Variants in COL26A1 observed in about 807,000 individuals in gnomAD.
The protein encoded by COL26A1 is collagen type XXVI alpha 1 chain, also known as collagen alpha-1(XXVI) chain.
COL26A1 carries 41 observed loss-of-function variants against 59.3 expected under a neutral mutation model. The ratio of observed to expected loss-of-function variants is 0.69; its 90% CI spans 0.54 to 0.90. The LOEUF is 0.90. Among genes scored for constraint, COL26A1 ranks in the 40% least tolerant of loss-of-function variants. COL26A1 has a pLI of 0.00. For missense variants in COL26A1, 612 were observed against 602.3 expected, an observed-to-expected ratio of 1.02 and a Z score of -0.17; for synonymous variants, 266 against 256.0, an observed-to-expected ratio of 1.04 and a Z score of -0.37.
intron 3 of COL26A1, among the ~76,000 whole-genome samples, chr7:101,527,061 C>T (rs1795262155): frequency 6.6e-6 from 1 of 152,170 alleles, no homozygotes; most frequent in African/African-American, 2.4e-5. Flanking sequence ...GCCTCCACCT[C>T]CCAGGCTCAA....
chr7:101,450,123 C>CAA (rs59531271), intron 3 of COL26A1, among the ~76,000 whole-genome samples: 25,551 of 99,634 alleles, frequency 0.26, 5,304 homozygotes, highest in African/African-American at 0.58. Context: ...GACTCAGTCT[C>CAA]AAAAAAAAAA....
chr7:101,399,201 G>A (rs1443416117), intron 1 of COL26A1, among the ~76,000 whole-genome samples: 1 of 152,104 alleles, frequency 6.6e-6, no homozygotes. Context: ...AGCTGCTCAG[G>A]AGGCTGAGGC....
intron 3 of COL26A1, among the ~76,000 whole-genome samples, chr7:101,448,210 A>G (rs1035779238): frequency 6.6e-6 from 1 of 152,222 alleles, no homozygotes; most frequent in Non-Finnish European, 1.5e-5. Flanking sequence ...ACTGAGACAG[A>G]GAAGCTGACC....
intron 4 of COL26A1, among the ~76,000 whole-genome samples, chr7:101,533,442 G>T (rs886494009): frequency 6.6e-6 from 1 of 152,070 alleles, no homozygotes; most frequent in Non-Finnish European, 1.5e-5. Context: ...AAAGAGGAGG[G>T]AGTCTCTGTC....
At chr7:101,455,962 AG>A (rs1167909218) in intron 3 of COL26A1, among the ~76,000 whole-genome samples, 1 of 151,986 alleles carries the variant, frequency 6.6e-6, no homozygotes, top group Non-Finnish European at 1.5e-5. Context: ...CTGGGATTAC[AG>A]GCGCGAGCCA....
Position 101,374,814 on chromosome 7 carries a change from G to A in COL26A1, c.158+11624G>A, listed in dbSNP as rs548426350. ...CTCACGCCTGTAATCCCAACACTTT[G>A]GGAGGCCAAGGCGGGCAGATCATCT... is the stretch of plus-strand genomic sequence containing the variant. On this transcript the variant is annotated intron_variant, in intron 1 of 12. Transcript: ENST00000313669. Among the ~76,000 whole-genome samples the A allele has an allele frequency of 3.7e-4, 56 of 152,272 alleles. No individual in the cohort carries two copies. In the East Asian group the frequency reaches 7.7e-3, roughly 21 times the overall value.
chr7:101,493,132 G>A (rs1794502998), intron 3 of COL26A1, among the ~76,000 whole-genome samples: 1 of 152,156 alleles, frequency 6.6e-6, no homozygotes, highest in South Asian at 2.1e-4. Flanking sequence ...CATTCAGCCG[G>A]GAAATGTCAG....
At chr7:101,521,076 T>C (rs1474368946) in intron 3 of COL26A1, among the ~76,000 whole-genome samples, 2 of 152,140 alleles carry the variant, frequency 1.3e-5, no homozygotes, top group Non-Finnish European at 2.9e-5. Flanking sequence ...CTTACAATCA[T>C]GGTGGAAGGC....
At chr7:101,460,283 A>G (rs983764786) in intron 3 of COL26A1, among the ~76,000 whole-genome samples, 1 of 152,118 alleles carries the variant, frequency 6.6e-6, no homozygotes, top group African/African-American at 2.4e-5. Context: ...GGACTTCGCT[A>G]AAGGTACGAT....
chr7:101,370,592 G>A (rs1388551033), intron 1 of COL26A1, among the ~76,000 whole-genome samples: 9 of 151,678 alleles, frequency 5.9e-5, no homozygotes, highest in Admixed American at 2.0e-4. Flanking sequence ...GGCTGGTCTC[G>A]AACTCCTGAC....
chr7:101,429,994 T>A (rs1279401642), intron 2 of COL26A1, among the ~76,000 whole-genome samples: 1 of 152,188 alleles, frequency 6.6e-6, no homozygotes, highest in African/African-American at 2.4e-5. Context: ...TGGGATTTTT[T>A]AAAATAGGAA....
At position 101,363,601 on chromosome 7, in the gene COL26A1, T is replaced by TGGGGCCGCGGGGCCGC. The variant is rs767746878; in HGVS notation, c.158+424_158+425insCGCGGGGCCGCGGGGC. On this transcript the variant is annotated intron_variant, in intron 1 of 12. Coordinates refer to ENST00000313669, the MANE Select transcript of COL26A1 (RefSeq NM_001278563.3). The stretch of plus-strand genomic sequence containing the variant: ...ACGAGCGATGGAGGAGGCTGGGGGT[T>TGGGGCCGCGGGGCCGC]GGGGCCGCGGGGCTGCGGGGCTGCG... Among the ~76,000 whole-genome samples the TGGGGCCGCGGGGCCGC allele has an allele frequency of 2.9e-3, 142 of 49,698 alleles. 5 individuals are homozygous for TGGGGCCGCGGGGCCGC. The South Asian group carries it at 0.053, about 19-fold the overall frequency. 32.6% of individuals were successfully genotyped at this position (49,698 alleles called of 152,430 possible). A position where few individuals can be genotyped will look rare whatever the true frequency, so the allele number is the denominator to read the frequency against.
At chr7:101,374,280 G>A (rs1182953875) in intron 1 of COL26A1, among the ~76,000 whole-genome samples, 1 of 152,160 alleles carries the variant, frequency 6.6e-6, no homozygotes, top group Admixed American at 6.6e-5. Context: ...AATACTGGAG[G>A]AGAGCGGTGT....
chr7:101,413,247 G>A (rs1233905321), intron 1 of COL26A1, among the ~76,000 whole-genome samples: 2 of 151,996 alleles, frequency 1.3e-5, no homozygotes, highest in African/African-American at 2.4e-5. Context: ...GGCCGGGCGC[G>A]GTGGCTCGTG....
chr7:101,385,269 A>ATG (rs1791541577), intron 1 of COL26A1, among the ~76,000 whole-genome samples: 6 of 150,112 alleles, frequency 4.0e-5, no homozygotes, highest in Non-Finnish European at 7.4e-5. Context: ...ACACATATAT[A>ATG]TGTGTATATA....
intron 1 of COL26A1, among the ~76,000 whole-genome samples, chr7:101,385,227 C>CTATATATATATATATATATAT (rs1375842083): frequency 7.2e-6 from 1 of 139,364 alleles, no homozygotes; most frequent in African/African-American, 2.6e-5. Flanking sequence ...CACACACACA[C>CTATATATATATATATATATAT]ACACTATATA....
At chr7:101,403,345 T>G (rs965570081) in intron 1 of COL26A1, among the ~76,000 whole-genome samples, 1 of 151,986 alleles carries the variant, frequency 6.6e-6, no homozygotes, top group African/African-American at 2.4e-5. Flanking sequence ...GCAGCTCTAC[T>G]AAGTCTCTAC....
At chr7:101,370,674 C>T (rs1191276924) in intron 1 of COL26A1, among the ~76,000 whole-genome samples, 1 of 152,056 alleles carries the variant, frequency 6.6e-6, no homozygotes, top group Non-Finnish European at 1.5e-5. Flanking sequence ...ACCCTGCCCA[C>T]CTTTCCTTCA....
chr7:101,446,042 G>C (rs1311843940), intron 2 of COL26A1, among the ~76,000 whole-genome samples: 1 of 48,900 alleles, frequency 2.0e-5, no homozygotes, highest in Non-Finnish European at 4.1e-5. Context: ...GCAAGACTCC[G>C]TCTCAAAAAA....
Sources: allele counts gnomAD v4.1 joint callset (sites outside exome capture counted in the v4.1 genomes callset), GRCh38; gene constraint gnomAD v4.1.1; transcripts MANE v1.5; gene names NCBI Gene and HGNC (gene_info 2026-07-23, HGNC 2026-07-21).